The following DPP10 variants were observed in gnomAD, a reference collection of about 807,000 sequenced individuals.
The protein encoded by DPP10 is dipeptidyl peptidase like 10, also known as inactive dipeptidyl peptidase 10.
In DPP10, 33 loss-of-function variants were observed where a neutral mutation model predicts 120.9. The observed-to-expected ratio is 0.27, with a 90% CI of 0.21 to 0.37. The LOEUF (loss-of-function observed/expected upper bound fraction) is 0.37, where lower values mean the gene tolerates loss of function less well. DPP10 is among the 10% of genes least tolerant of loss of function. The pLI is 1.00. For synonymous variants in DPP10, 337 were observed against 326.1 expected (o/e 1.03, Z -0.36); for missense variants, 816 against 942.8 (o/e 0.87, Z 1.76).
intron 3 of DPP10, among the ~76,000 whole-genome samples, chr2:115,491,876 A>G (rs1042330305): frequency 1.3e-5 from 2 of 152,090 alleles, no homozygotes; most frequent in Non-Finnish European, 2.9e-5. Context: ...TTTCAAGGGT[A>G]GGGGTAGAGG....
At chr2:114,917,371 A>C (rs569566146) in intron 1 of DPP10, among the ~76,000 whole-genome samples, 2 of 152,276 alleles carry the variant, frequency 1.3e-5, no homozygotes, top group East Asian at 3.9e-4. Flanking sequence ...GAGTCAATAT[A>C]GTTAAAATTG....
chr2:114,724,158 G>T (rs1006480072), intron 1 of DPP10, among the ~76,000 whole-genome samples: 1 of 151,980 alleles, frequency 6.6e-6, no homozygotes, highest in African/African-American at 2.4e-5. Context: ...GGCCCAGAGA[G>T]GCTTTAAAAT....
At chr2:115,574,399 A>T (rs910128073) in intron 5 of DPP10, among the ~76,000 whole-genome samples, 1 of 152,162 alleles carries the variant, frequency 6.6e-6, no homozygotes, top group African/African-American at 2.4e-5. Flanking sequence ...TCTTGTAGTA[A>T]GTTCTCCATG....
At chr2:114,716,987 G>A (rs907526582) in intron 1 of DPP10, among the ~76,000 whole-genome samples, 12 of 152,172 alleles carry the variant, frequency 7.9e-5, no homozygotes, top group Non-Finnish European at 1.3e-4. Flanking sequence ...ACTGCCACTT[G>A]AGGAGTGGAG....
chr2:115,269,695 T>C (rs1247618627), intron 1 of DPP10, among the ~76,000 whole-genome samples: 1 of 152,186 alleles, frequency 6.6e-6, no homozygotes. Context: ...ACAGTGTTTT[T>C]ATAATCTAAA....
chr2:115,243,773 A>ATC (rs539874699), intron 1 of DPP10, among the ~76,000 whole-genome samples: 2 of 148,932 alleles, frequency 1.3e-5, no homozygotes, highest in Admixed American at 6.7e-5. Flanking sequence ...TTTTTAAACT[A>ATC]TTTTTTTTTT....
intron 1 of DPP10, among the ~76,000 whole-genome samples, chr2:114,725,186 A>G (rs1701965672): frequency 6.6e-6 from 1 of 152,194 alleles, no homozygotes; most frequent in Non-Finnish European, 1.5e-5. Flanking sequence ...CACTTTGGCT[A>G]AAGTAAACTC....
At chr2:115,684,632 A>G (rs967035017) in intron 5 of DPP10, among the ~76,000 whole-genome samples, 3 of 151,856 alleles carry the variant, frequency 2.0e-5, no homozygotes, top group East Asian at 3.9e-4. Context: ...GTTCAACTGC[A>G]GTGCAGAAAA....
chr2:115,309,589 CAAG>C (rs920634164), intron 2 of DPP10, among the ~76,000 whole-genome samples: 1 of 151,928 alleles, frequency 6.6e-6, no homozygotes, highest in African/African-American at 2.4e-5. Flanking sequence ...TTGAGAATGC[CAAG>C]GAGATTTTTG....
intron 1 of DPP10, among the ~76,000 whole-genome samples, chr2:114,856,977 A>G (rs753211933): frequency 6.6e-6 from 1 of 152,198 alleles, no homozygotes; most frequent in Non-Finnish European, 1.5e-5. Context: ...TAATTTTGCT[A>G]GAAACATATT....
chr2:115,090,851 G>A (rs989995483), intron 1 of DPP10, among the ~76,000 whole-genome samples: 1 of 152,074 alleles, frequency 6.6e-6, no homozygotes, highest in African/African-American at 2.4e-5. Context: ...CGGAGGGGAG[G>A]GTTATCTCAG....
chr2:115,298,013 C>G lies in DPP10; in HGVS notation c.61-11226C>G, dbSNP rs138435023. ...GTTTGAGATGCAGATAGCTAGTTATCCGCCAGTCCTCACAATGCTGAAATG... is the reference window on the plus strand; with the variant it reads ...GTTTGAGATGCAGATAGCTAGTTATGCGCCAGTCCTCACAATGCTGAAATG... On this transcript the variant is annotated intron_variant, in intron 1 of 25. Coordinates refer to ENST00000410059, the MANE Select transcript of DPP10 (RefSeq NM_020868.6). 9.9e-5 allele frequency among the ~76,000 whole-genome samples: 15 copies of G among 152,132 alleles called. No individual in the cohort carries two copies. The East Asian group carries it at 2.3e-3, about 24-fold the overall frequency.
chr2:115,295,294 G>T (rs112233686), intron 1 of DPP10, among the ~76,000 whole-genome samples: 8 of 152,198 alleles, frequency 5.3e-5, no homozygotes, highest in Admixed American at 1.3e-4. Context: ...GAGCACAAAT[G>T]ATGTGAAATG....
At chr2:115,422,268 T>C (rs1260950627) in intron 3 of DPP10, among the ~76,000 whole-genome samples, 4 of 152,184 alleles carry the variant, frequency 2.6e-5, no homozygotes, top group African/African-American at 4.8e-5. Context: ...AAAGGCAACA[T>C]AGAACTCTGG....
intron 1 of DPP10, among the ~76,000 whole-genome samples, chr2:115,153,664 T>G (rs1190323145): frequency 6.6e-6 from 1 of 152,116 alleles, no homozygotes; most frequent in Non-Finnish European, 1.5e-5. Flanking sequence ...AAAATAACCC[T>G]TTCAAAAAAA....
chr2:114,466,240 C>T (rs767644569), intron 1 of DPP10, among the ~76,000 whole-genome samples: 8 of 152,014 alleles, frequency 5.3e-5, no homozygotes, highest in African/African-American at 1.9e-4. Context: ...ATAACTAAGG[C>T]AATCTGATAT....
intron 1 of DPP10, among the ~76,000 whole-genome samples, chr2:114,686,729 C>A (rs1382938723): frequency 1.3e-5 from 2 of 151,842 alleles, no homozygotes; most frequent in Non-Finnish European, 2.9e-5. Context: ...TGGTAGAAGA[C>A]CTGAGCCAGG....
intron 1 of DPP10, among the ~76,000 whole-genome samples, chr2:115,197,986 C>G (rs1477732460): frequency 6.6e-6 from 1 of 152,110 alleles, no homozygotes; most frequent in Non-Finnish European, 1.5e-5. Flanking sequence ...TTTGTAATAG[C>G]AGTGCTTTTC....
rs114730158 is a variant in DPP10, at chr2:115,363,954, G to A, written c.271+20042G>A. On this transcript the variant is annotated intron_variant, in intron 3 of 25. Transcript: ENST00000410059. ...TCAGGAAATGGAGCAGAGAGAGCTC[G>A]GTAACTTCCCTAGGCTCACATAGCT... Among the ~76,000 whole-genome samples the A allele has an allele frequency of 5.2e-3, 795 of 152,058 alleles. 5 individuals are homozygous for A. Among genetic ancestry groups the A allele is most frequent in the African/African-American group, 0.017 (713 of 41,440 alleles).
Sources: allele counts gnomAD v4.1 joint callset (sites outside exome capture counted in the v4.1 genomes callset), GRCh38; gene constraint gnomAD v4.1.1; transcripts MANE v1.5; gene names NCBI Gene and HGNC (gene_info 2026-07-23, HGNC 2026-07-21).